Variants in EFHD2 observed in about 807,000 individuals in gnomAD.
EFHD2 encodes the protein EF-hand domain family member D2, also known as EF-hand domain-containing protein D2.
EFHD2 carries 12 observed loss-of-function variants against 20.3 expected under a neutral mutation model. The ratio of observed to expected loss-of-function variants is 0.59; its 90% CI spans 0.38 to 0.96. The LOEUF is 0.96. Ranked by LOEUF, EFHD2 falls within the 40% of genes least tolerant of loss-of-function variation. The probability of loss-of-function intolerance (pLI) is 0.00; values close to 1 mark genes in which losing one functional copy is unlikely to be tolerated. For missense variants in EFHD2, 250 were observed against 334.3 expected (o/e 0.75, Z 1.97); for synonymous variants, 131 against 143.9 (o/e 0.91, Z 0.64).
chr1:15,419,535 C>G (rs1570766889), intron 1 of EFHD2, among the ~76,000 whole-genome samples: 1 of 149,446 alleles, frequency 6.7e-6, no homozygotes, highest in African/African-American at 2.5e-5. Context: ...AAGAGAGGGG[C>G]CAGGGAGGAG....
chr1:15,427,209 C>T lies in EFHD2; in HGVS notation c.516C>T (p.Cys172=), dbSNP rs777968294. 3.8e-5 allele frequency: 61 copies of T among 1,599,872 alleles called. No individual in the cohort carries two copies. The highest frequency in any genetic ancestry group is 4.7e-5 in the Non-Finnish European group (55 of 1,173,988). Residue 172 remains cysteine (C), a synonymous_variant, in exon 3 of 4, where the codon TGC becomes TGT. Transcript: ENST00000375980. ...AGCTTCAGGAGGACAGCGGGCTGTG[C>T]GTGCTGGCCCGCCTCTCTGAGATCG... is the stretch of plus-strand genomic sequence containing the variant. ...AGELQEDSGL[C]VLARLSEIDV...
At chr1:15,414,902 G>T (rs1420032553) in intron 1 of EFHD2, among the ~76,000 whole-genome samples, 1 of 152,164 alleles carries the variant, frequency 6.6e-6, no homozygotes, top group African/African-American at 2.4e-5. Context: ...TGCACAATGG[G>T]GATTCCCGTC....
chr1:15,426,087 A>T lies in EFHD2; in HGVS notation c.456+69A>T. The T allele has an allele frequency of 1.4e-6, 2 of 1,441,202 alleles. No individual in the cohort carries two copies. Among genetic ancestry groups the T allele is most frequent in the Non-Finnish European group, 1.8e-6 (2 of 1,082,746 alleles). The allele number at this position is 1,441,202 out of a possible 1,614,324, so 89.3% of individuals were successfully genotyped here. A position where few individuals can be genotyped will look rare whatever the true frequency, so the allele number is the denominator to read the frequency against. On this transcript the variant is annotated intron_variant, in intron 2 of 3. Coordinates refer to ENST00000375980, the MANE Select transcript of EFHD2 (RefSeq NM_024329.6). The surrounding 1 kb of genome is among the most constrained non-coding windows in gnomAD (Gnocchi z 4.6). ...CTGAGGACCTGGTGGCCCGGGAGAG[A>T]CCAACCCCCACCCTTTGTCAATGAA...
intron 1 of EFHD2, among the ~76,000 whole-genome samples, chr1:15,415,605 C>T (rs1707651782): frequency 6.6e-6 from 1 of 151,366 alleles, no homozygotes; most frequent in South Asian, 2.1e-4. Flanking sequence ...TCTCCTGCTT[C>T]AGCCTCCCAA....
At chr1:15,424,577 C>T (rs369750289) in intron 1 of EFHD2, among the ~76,000 whole-genome samples, 417 of 152,280 alleles carry the variant, frequency 2.7e-3, no homozygotes, top group African/African-American at 7.0e-3. Context: ...CGCCAATCTC[C>T]GCCACTCCCT....
intron 1 of EFHD2, among the ~76,000 whole-genome samples, chr1:15,418,884 T>C (rs7525279): frequency 0.42 from 63,318 of 152,206 alleles, 13,506 homozygotes; most frequent in Middle Eastern, 0.52. Flanking sequence ...TGACCTGGGC[T>C]AAGTCGCTTC....
At chr1:15,420,733 TG>T (rs1707775560) in intron 1 of EFHD2, among the ~76,000 whole-genome samples, 1 of 152,276 alleles carries the variant, frequency 6.6e-6, no homozygotes, top group Admixed American at 6.5e-5. Context: ...TTGGTCAGGC[TG>T]GTCTCGAACT....
At chr1:15,425,729 C>T in intron 1 of EFHD2, 142 bp from the exon 2 acceptor site, 6 of 1,228,482 alleles carry the variant, frequency 4.9e-6, no homozygotes, top group Non-Finnish European at 5.6e-6. Context: ...GGTCCTCTGC[C>T]TGGACTGAGG....
chr1:15,427,813 C>A, intron 3 of EFHD2: 1 of 432,600 alleles, frequency 2.3e-6, no homozygotes, highest in Non-Finnish European at 4.8e-6. Context: ...TCTCTCTTTC[C>A]TTGCTAAGAA....
At chr1:15,421,714 C>G (rs1707794455) in intron 1 of EFHD2, among the ~76,000 whole-genome samples, 1 of 152,152 alleles carries the variant, frequency 6.6e-6, no homozygotes, top group African/African-American at 2.4e-5. Flanking sequence ...TGCACTTGAG[C>G]AATAAATAAA....
In EFHD2 at chr1:15,426,703, T is replaced by G. The variant is rs1291663000; in HGVS notation, c.457-447T>G. On this transcript the variant is annotated intron_variant, in intron 2 of 3. Transcript: ENST00000375980. This position sits in a 1 kb window ranked among gnomAD's most constrained non-coding sequence, Gnocchi z 4.6. ...GTGTGGGCAGTGCAGGGTAACAGCTTAGAGTTCGAGAGCAGGGTTCCATCC... is the reference window on the plus strand; with the variant it reads ...GTGTGGGCAGTGCAGGGTAACAGCTGAGAGTTCGAGAGCAGGGTTCCATCC... Among the ~76,000 whole-genome samples the G allele has an allele frequency of 2.6e-5, 4 of 151,876 alleles. No individual in the cohort carries two copies. Among genetic ancestry groups the G allele is most frequent in the Non-Finnish European group, 5.9e-5 (4 of 67,932 alleles).
intron 1 of EFHD2, among the ~76,000 whole-genome samples, chr1:15,418,469 C>A (rs1047089196): frequency 6.6e-6 from 1 of 151,216 alleles, no homozygotes; most frequent in Non-Finnish European, 1.5e-5. Flanking sequence ...TCACGCCCGG[C>A]TAATTTTTTG....
At chr1:15,417,522 G>A (rs1707693499) in intron 1 of EFHD2, among the ~76,000 whole-genome samples, 1 of 152,188 alleles carries the variant, frequency 6.6e-6, no homozygotes, top group South Asian at 2.1e-4. Context: ...CTCCGTGGGG[G>A]AGCCCCAAGC....
At chr1:15,423,782 G>T (rs72881563) in intron 1 of EFHD2, among the ~76,000 whole-genome samples, 4 of 152,078 alleles carry the variant, frequency 2.6e-5, no homozygotes, top group South Asian at 2.1e-4. Context: ...AAGCTCAAGC[G>T]CCCGGGACAT....
At chr1:15,410,458 C>T (rs1201191338) in intron 1 of EFHD2, among the ~76,000 whole-genome samples, 179 bp downstream of exon 1, 2 of 152,076 alleles carry the variant, frequency 1.3e-5, no homozygotes, top group African/African-American at 4.8e-5. Flanking sequence ...CCCGGCATCT[C>T]ACCGCGCACG....
intron 1 of EFHD2, among the ~76,000 whole-genome samples, chr1:15,411,613 T>G (rs201504057): frequency 6.6e-6 from 1 of 150,906 alleles, no homozygotes; most frequent in South Asian, 2.1e-4. Flanking sequence ...GGGAACAGCC[T>G]CGTTCCACGA....
chr1:15,419,896 C>G (rs1707759059), intron 1 of EFHD2, among the ~76,000 whole-genome samples: 1 of 152,204 alleles, frequency 6.6e-6, no homozygotes, highest in South Asian at 2.1e-4. Flanking sequence ...AGGGAAGGTT[C>G]CTCGCTCCCT....
In EFHD2 at chr1:15,410,070, A is replaced by AGCGGCG. The variant is rs750077636; in HGVS notation, c.110_115dup (p.Ala37_Ala38dup). On this transcript the variant is annotated inframe_insertion, in exon 1 of 4. Coordinates refer to ENST00000375980, the MANE Select transcript of EFHD2 (RefSeq NM_024329.6). ...CGGAGCAGCCCGGGCTGAACGGGGC[A>AGCGGCG]GCGGCGGCGGCGGCGGGGGCACCCG... 1,124 of 1,377,282 alleles carry AGCGGCG rather than the reference A, an allele frequency of 8.2e-4. 12 individuals are homozygous for AGCGGCG. The African/African-American group carries it at 0.016, about 20-fold the overall frequency. The allele number at this position is 1,377,282 out of a possible 1,614,324, so 85.3% of individuals were successfully genotyped here. A position where few individuals can be genotyped will look rare whatever the true frequency, so the allele number is the denominator to read the frequency against.
rs6701793 is a variant in EFHD2 at position 15,413,112 on chromosome 1, C to T, written c.308+2833C>T. 7.9e-3 allele frequency among the ~76,000 whole-genome samples: 1,199 copies of T among 152,328 alleles called. 10 individuals carry two copies. The highest frequency in any genetic ancestry group is 0.027 in the African/African-American group (1,123 of 41,570). ...GGAAGACAAACCCCCGTTCTGCTTC[C>T]GCTGTCCGAGTGGGGCTGCAGCCTC... On this transcript the variant is annotated intron_variant, in intron 1 of 3. Transcript: ENST00000375980. The surrounding 1 kb of genome is among the most constrained non-coding windows in gnomAD (Gnocchi z 4.4).
Sources: allele counts gnomAD v4.1 joint callset (sites outside exome capture counted in the v4.1 genomes callset), GRCh38; gene constraint gnomAD v4.1.1; non-coding constraint Gnocchi (gnomAD v3.1); transcripts MANE v1.5; gene names NCBI Gene and HGNC (gene_info 2026-07-23, HGNC 2026-07-21).